VGLL4: variants seen among roughly 807,000 people sequenced by gnomAD.
The protein encoded by VGLL4 is vestigial like family member 4.
VGLL4 carries 7 observed loss-of-function variants against 21.0 expected under a neutral mutation model. The ratio of observed to expected loss-of-function variants is 0.33; its 90% CI spans 0.19 to 0.63. VGLL4 has a LOEUF of 0.63. VGLL4 is among the 20% of genes least tolerant of loss of function. The pLI, the probability that VGLL4 is intolerant of heterozygous loss-of-function variation, is 0.78. For missense variants in VGLL4, 394 were observed against 425.7 expected (o/e 0.93, Z 0.66); for synonymous variants, 222 against 173.2 (o/e 1.28, Z -2.21).
chr3:11,662,869 G>A (rs947837801), intron 2 of VGLL4, among the ~76,000 whole-genome samples: 1 of 152,190 alleles, frequency 6.6e-6, no homozygotes, highest in African/African-American at 2.4e-5. Context: ...AAACAACAGT[G>A]ATTACCTCAG....
chr3:11,575,579 C>T (rs1422758792), intron 2 of VGLL4, among the ~76,000 whole-genome samples: 1 of 152,190 alleles, frequency 6.6e-6, no homozygotes, highest in Non-Finnish European at 1.5e-5. Flanking sequence ...CTGGCGGATC[C>T]GGAACCACAG....
In VGLL4 at chr3:11,559,368, C is replaced by T. The variant is rs776396237; in HGVS notation, c.583G>A (p.Ala195Thr). ...HCPIAHSGCA[A>T]PGPASYRRPP... ...CTCCGGTAGCTGGCAGGCCCGGGCG[C>T]GGCACAGCCGCTGTGCGCGATGGGG... The change falls in exon 4 of 5, where the codon GCG becomes ACG. Residue 195 changes from alanine to threonine, a missense_variant. Ala to Thr is a moderately conservative substitution (Grantham distance 58). Transcript: ENST00000430365. 1.2e-5 allele frequency: 18 copies of T among 1,551,518 alleles called. No individual in the cohort carries two copies. Among genetic ancestry groups the T allele is most frequent in the South Asian group, 2.4e-5 (2 of 84,096 alleles).
chr3:11,620,601 C>T lies in VGLL4; in HGVS notation c.83-18579G>A, dbSNP rs761693175. Reference sequence around the variant, plus strand: ...CTTCTCTATGGAAATTCCAGAGCTACCTTTTCTACTGAGCCACGCTAAATA... The same window carrying T: ...CTTCTCTATGGAAATTCCAGAGCTATCTTTTCTACTGAGCCACGCTAAATA... On this transcript the variant is annotated intron_variant, in intron 1 of 4. Coordinates refer to ENST00000430365, the MANE Select transcript of VGLL4 (RefSeq NM_001128219.3). Among the ~76,000 whole-genome samples, 6 of 152,342 alleles carry T rather than the reference C, an allele frequency of 3.9e-5. No homozygotes were observed. The South Asian group carries it at 8.3e-4, about 21-fold the overall frequency.
chr3:11,577,030 C>A (rs2074072146), intron 2 of VGLL4, among the ~76,000 whole-genome samples: 1 of 152,152 alleles, frequency 6.6e-6, no homozygotes, highest in African/African-American at 2.4e-5. Context: ...CAGGAGAAAC[C>A]AGCAGCAACA....
At chr3:11,700,529 T>C (rs184571413) in intron 2 of VGLL4, among the ~76,000 whole-genome samples, 155 of 152,226 alleles carry the variant, frequency 1.0e-3, no homozygotes, top group African/African-American at 3.6e-3. Context: ...CCACCCCTTT[T>C]TCTCCCTTCA....
At chr3:11,571,553 G>A (rs559206804) in intron 2 of VGLL4, among the ~76,000 whole-genome samples, 36 of 151,764 alleles carry the variant, frequency 2.4e-4, no homozygotes, top group African/African-American at 8.0e-4. Flanking sequence ...GCATGGTAGC[G>A]CCTGTAATCC....
At chr3:11,665,117 T>G (rs1044210421) in intron 2 of VGLL4, among the ~76,000 whole-genome samples, 1 of 129,798 alleles carries the variant, frequency 7.7e-6, no homozygotes, top group East Asian at 2.2e-4. Context: ...TTTTTTTTTT[T>G]TTTTTTTTTT....
rs577418573 is a variant in VGLL4, at chr3:11,719,238, G to A, written c.-14+1156C>T. Among the ~76,000 whole-genome samples, 228 of 152,126 alleles carry A rather than the reference G, an allele frequency of 1.5e-3. 3 individuals are homozygous for A. Among genetic ancestry groups the A allele is most frequent in the African/African-American group, 5.3e-3 (219 of 41,542 alleles). ...GCCTCCGACTCCCAGGACGTCCTCC[G>A]GGAGCCTAGGCGCTTCCGCTCCCAC... On this transcript the variant is annotated intron_variant, in intron 1 of 5. Coordinates refer to the VGLL4 transcript ENST00000273038. The surrounding 1 kb of genome is among the most constrained non-coding windows in gnomAD (Gnocchi z 4.0).
At chr3:11,566,788 G>A (rs936392830) in intron 2 of VGLL4, among the ~76,000 whole-genome samples, 6 of 152,088 alleles carry the variant, frequency 3.9e-5, no homozygotes, top group African/African-American at 2.4e-5. Context: ...TGATCTCTTC[G>A]TCTACGCACC....
chr3:11,718,010 C>T (rs2076942122), intron 1 of VGLL4, among the ~76,000 whole-genome samples: 1 of 152,180 alleles, frequency 6.6e-6, no homozygotes, highest in African/African-American at 2.4e-5. Context: ...ACAACATTCA[C>T]AGTTTTGGAA....
chr3:11,697,415 T>C (rs1290440742), intron 2 of VGLL4, among the ~76,000 whole-genome samples: 1 of 152,138 alleles, frequency 6.6e-6, no homozygotes, highest in Non-Finnish European at 1.5e-5. Flanking sequence ...CCTAAAATGC[T>C]TTTTTACTGT....
intron 2 of VGLL4, chr3:11,671,399 G>A (rs2076213785): frequency 1.2e-6 from 1 of 849,282 alleles, no homozygotes; most frequent in Non-Finnish European, 2.0e-6. Context: ...GTGACGCTGT[G>A]GGCCACATGT....
At chr3:11,684,747 T>C (rs1027372963) in intron 2 of VGLL4, among the ~76,000 whole-genome samples, 5 of 151,192 alleles carry the variant, frequency 3.3e-5, no homozygotes, top group African/African-American at 9.7e-5. Flanking sequence ...TGTGTGTGTG[T>C]GTGTGTGTGT....
intron 2 of VGLL4, among the ~76,000 whole-genome samples, chr3:11,691,353 G>C (rs989969328): frequency 6.6e-6 from 1 of 151,888 alleles, no homozygotes; most frequent in African/African-American, 2.4e-5. Context: ...GTCTTGAGTA[G>C]TCAGAAAAGC....
chr3:11,632,327 AAT>A (rs886672799), intron 1 of VGLL4, among the ~76,000 whole-genome samples: 1 of 152,190 alleles, frequency 6.6e-6, no homozygotes, highest in Non-Finnish European at 1.5e-5. Flanking sequence ...ATAAAAAAAA[AAT>A]AAAATAAAAT....
intron 1 of VGLL4, among the ~76,000 whole-genome samples, chr3:11,716,462 TC>T (rs1291827050): frequency 6.6e-6 from 1 of 152,138 alleles, no homozygotes; most frequent in Non-Finnish European, 1.5e-5. Context: ...CTCAAATTTT[TC>T]CCCATACTGC....
intron 2 of VGLL4, among the ~76,000 whole-genome samples, chr3:11,580,440 ATGC>A (rs1406409613): frequency 5.9e-5 from 9 of 152,342 alleles, no homozygotes; most frequent in Admixed American, 3.9e-4. Context: ...ATTGTGAATA[ATGC>A]TGCTATGAAC....
At chr3:11,630,143 A>G (rs995357888) in intron 1 of VGLL4, among the ~76,000 whole-genome samples, 2 of 152,196 alleles carry the variant, frequency 1.3e-5, no homozygotes, top group Non-Finnish European at 2.9e-5. Flanking sequence ...CAAGAAATAT[A>G]CATACTCCAG....
chr3:11,573,259 GAAAGAAAGAA>G (rs2073862608), intron 2 of VGLL4, among the ~76,000 whole-genome samples: 1 of 10,760 alleles, frequency 9.3e-5, no homozygotes, highest in Non-Finnish European at 1.4e-4. Flanking sequence ...AAGAAAGAAA[GAAAGAAAGAA>G]AGAAAGAAAG....
Sources: allele counts gnomAD v4.1 joint callset (sites outside exome capture counted in the v4.1 genomes callset), GRCh38; gene constraint gnomAD v4.1.1; non-coding constraint Gnocchi (gnomAD v3.1); transcripts MANE v1.5; gene names NCBI Gene and HGNC (gene_info 2026-07-23, HGNC 2026-07-21).